Variants in BRWD1 observed in about 807,000 individuals in gnomAD.
BRWD1 encodes bromodomain and WD repeat domain containing 1.
In BRWD1, 82 loss-of-function variants were observed where a neutral mutation model predicts 251.2. That is an observed-to-expected ratio of 0.33 (90% CI 0.27 to 0.39). The LOEUF (loss-of-function observed/expected upper bound fraction) is 0.39. Among genes scored for constraint, BRWD1 ranks in the 10% least tolerant of loss-of-function variants. BRWD1 has a pLI of 1.00. For missense variants in BRWD1, 2,233 were observed against 2,711.6 expected (o/e 0.82, Z 3.92); for synonymous variants, 918 against 902.8 (o/e 1.02, Z -0.30).
chr21:39,229,158 T>C (rs1256074527), intron 26 of BRWD1, among the ~76,000 whole-genome samples, 154 bp downstream of exon 26: 2 of 152,180 alleles, frequency 1.3e-5, no homozygotes. Context: ...CAGGGATGGG[T>C]TTCCTAGCCA....
chr21:39,218,353 T>C, intron 30 of BRWD1, 81 bp from the exon 31 acceptor site: 3 of 1,499,902 alleles, frequency 2.0e-6, no homozygotes, highest in Non-Finnish European at 2.7e-6. Context: ...ATTCATAAGA[T>C]ATGGCTACAT....
Position 39,188,728 on chromosome 21 carries a change from T to C in BRWD1, c.*7531A>G. The C allele has an allele frequency of 1.0e-6, 1 of 985,426 alleles. No homozygotes were observed. Among genetic ancestry groups the C allele is most frequent in the Non-Finnish European group, 1.2e-6 (1 of 829,906 alleles). The allele number at this position is 985,426 out of a possible 1,614,324, so 61.0% of individuals were successfully genotyped here. A position where few individuals can be genotyped will look rare whatever the true frequency, so the allele number is the denominator to read the frequency against. ...TGATTTCACACTTCTCTAAGATCAG[T>C]TGAGCGTTCTCCCCAGAATAGGTTA... On this transcript the variant is annotated 3_prime_UTR_variant, in exon 41 of 41. Coordinates refer to ENST00000342449, the MANE Select transcript of BRWD1 (RefSeq NM_033656.4).
chr21:39,232,759 A>T (rs995617517), intron 23 of BRWD1, among the ~76,000 whole-genome samples: 1 of 152,102 alleles, frequency 6.6e-6, no homozygotes, highest in Non-Finnish European at 1.5e-5. Flanking sequence ...TTTACATCCC[A>T]TTTTAGGGGG....
intron 31 of BRWD1, 58 bp downstream of exon 31, chr21:39,218,094 C>G: frequency 4.0e-6 from 6 of 1,509,616 alleles, no homozygotes; most frequent in Non-Finnish European, 5.3e-6. Flanking sequence ...TTTGTTTACC[C>G]TAGTCAATAT....
At chr21:39,273,537 G>A (rs1349981032) in intron 13 of BRWD1, among the ~76,000 whole-genome samples, 1 of 152,140 alleles carries the variant, frequency 6.6e-6, no homozygotes, top group Non-Finnish European at 1.5e-5. Context: ...GAGCCCAAGA[G>A]TTCAAGATGA....
At chr21:39,284,873 C>G (rs1264685160) in intron 8 of BRWD1, among the ~76,000 whole-genome samples, 1 of 152,164 alleles carries the variant, frequency 6.6e-6, no homozygotes, top group East Asian at 1.9e-4. Flanking sequence ...CAGGTTGTCT[C>G]TTCGATCTAT....
chr21:39,313,197 A>C (rs1267671033), intron 2 of BRWD1, 44 bp downstream of exon 2: 1 of 1,517,096 alleles, frequency 6.6e-7, no homozygotes, highest in Admixed American at 2.1e-5. Context: ...CGGCGGGGAC[A>C]CTGGGGACGC....
At position 39,236,737 on chromosome 21, in the gene BRWD1, TTGA is replaced by T. The variant is rs1228791281; in HGVS notation, c.2621_2623del (p.Ile874del). 1.9e-6 allele frequency: 3 copies of T among 1,614,040 alleles called. No individual in the cohort carries two copies. The highest frequency in any genetic ancestry group is 3.3e-5 in the Admixed American group (2 of 60,000). ...TGATGTTCTTAAAGGAGGCTGCAAA[TTGA>T]TGCCCGCATCAGCTGTCCAATCGGA... On this transcript the variant is annotated inframe_deletion, in exon 23 of 41. Coordinates refer to ENST00000342449, the MANE Select transcript of BRWD1 (RefSeq NM_033656.4).
chr21:39,262,064 CAG>C (rs2034768654), intron 17 of BRWD1, among the ~76,000 whole-genome samples: 1 of 152,114 alleles, frequency 6.6e-6, no homozygotes, highest in African/African-American at 2.4e-5. Context: ...AAAATATTTT[CAG>C]AGATACAGAG....
At chr21:39,276,771 CTTAAAG>C (rs2035294296) in intron 11 of BRWD1, among the ~76,000 whole-genome samples, 1 of 152,076 alleles carries the variant, frequency 6.6e-6, no homozygotes, top group Non-Finnish European at 1.5e-5. Context: ...AACAGGCTCA[CTTAAAG>C]TTAACCCACC....
In BRWD1 at chr21:39,187,062, T is replaced by TAA; in HGVS notation, c.*9195_*9196dup. On this transcript the variant is annotated 3_prime_UTR_variant, in exon 41 of 41. Transcript: ENST00000342449. ...TTTCTTTCCAGGATCTGAACCCCCTTAAAAAAAGCATTTTTCTATTAATAT... is the reference window on the plus strand; with the variant it reads ...TTTCTTTCCAGGATCTGAACCCCCTTAAAAAAAAAGCATTTTTCTATTAATAT... The TAA allele has an allele frequency of 6.3e-7, 1 of 1,588,542 alleles. No individual in the cohort carries two copies. The highest frequency in any genetic ancestry group is 1.2e-5 in the South Asian group (1 of 85,436).
upstream of BRWD1, chr21:39,314,034 G>T (rs1009317588): frequency 1.5e-5 from 7 of 455,424 alleles, no homozygotes; most frequent in Admixed American, 2.4e-5. Flanking sequence ...CAGGGGCCCC[G>T]AGTCGCGGGT....
chr21:39,263,901 GAAC>G (rs1225358082), intron 17 of BRWD1, among the ~76,000 whole-genome samples: 1 of 152,114 alleles, frequency 6.6e-6, no homozygotes, highest in African/African-American at 2.4e-5. Context: ...ATTAAGACTA[GAAC>G]ATCATTTATG....
chr21:39,201,266 T>C (rs1378696457), intron 38 of BRWD1, among the ~76,000 whole-genome samples: 2 of 152,214 alleles, frequency 1.3e-5, no homozygotes, highest in East Asian at 3.9e-4. Flanking sequence ...CTTGTTCTAC[T>C]GTTTGCCCAC....
chr21:39,191,340 G>A lies in BRWD1; in HGVS notation c.*4919C>T. ...AATTACCAGTGGAAAAGAGGTTGGG[G>A]AACCACTTGGGACAAGTCTGGAATT... is the stretch of plus-strand genomic sequence containing the variant. On this transcript the variant is annotated 3_prime_UTR_variant, in exon 41 of 41. Transcript: ENST00000342449. 1 of 985,324 alleles carries A rather than the reference G, an allele frequency of 1.0e-6. No individual in the cohort carries two copies. Among genetic ancestry groups the A allele is most frequent in the Non-Finnish European group, 1.2e-6 (1 of 829,896 alleles). The allele number at this position is 985,324 out of a possible 1,614,324, so 61.0% of individuals were successfully genotyped here.
chr21:39,261,129 G>A (rs2034729860), intron 17 of BRWD1, among the ~76,000 whole-genome samples: 1 of 152,122 alleles, frequency 6.6e-6, no homozygotes, highest in Admixed American at 6.5e-5. Context: ...GGAAGCTGAG[G>A]CAGGGAAACT....
chr21:39,212,759 A>G (rs767612899), intron 33 of BRWD1, 52 bp from the exon 34 acceptor site: 25 of 1,249,346 alleles, frequency 2.0e-5, no homozygotes, highest in Non-Finnish European at 2.6e-5. Flanking sequence ...TTAGAAAATA[A>G]TAACATAATC....
chr21:39,295,908 GAAATAAA>G lies in BRWD1; in HGVS notation c.449-12_449-6del, dbSNP rs769452565. The G allele has an allele frequency of 4.5e-6, 7 of 1,565,032 alleles. No individual in the cohort carries two copies. In the Admixed American group the frequency reaches 1.3e-4, roughly 29 times the overall value. ...GTTTTCCTCGATGTATCTCCACTAG[GAAATAAA>G]AACAATGAAAATGGTTAAGGGAGAG... is the stretch of plus-strand genomic sequence containing the variant. On this transcript the variant is annotated splice_polypyrimidine_tract_variant and splice_region_variant and intron_variant, in intron 6 of 40. Transcript: ENST00000342449.
Position 39,199,403 on chromosome 21 carries a change from T to A in BRWD1, c.5013A>T (p.Arg1671Ser). The change falls in exon 40 of 41, where the codon AGA (arginine) becomes AGT (serine). Residue 1671 changes from arginine (R) to serine (S), a missense_variant. Physicochemically the swap from Arg to Ser is moderately radical, Grantham distance 110. Transcript: ENST00000342449. ...LPHRNASAVA[R>S]KKLLHNSEDE... The stretch of plus-strand genomic sequence containing the variant: ...CTTCAGAATTATGTAATAACTTTTT[T>A]CTAGCTACAGCAGAAGCATTGCGGT... 1 of 1,614,234 alleles carries A rather than the reference T, an allele frequency of 6.2e-7. No individual in the cohort carries two copies. Among genetic ancestry groups the A allele is most frequent in the Non-Finnish European group, 8.5e-7 (1 of 1,180,042 alleles).
Sources: gnomAD v4.1 joint callset for allele counts (sites outside exome capture counted in the v4.1 genomes callset) on GRCh38, gnomAD v4.1.1 for gene constraint, MANE v1.5 for transcripts, NCBI Gene and HGNC (gene_info 2026-07-23, HGNC 2026-07-21) for gene names.